The following CYP7A1 variants were observed in gnomAD, a reference collection of about 807,000 sequenced individuals.
CYP7A1 encodes cytochrome P450 7A1.
A neutral mutation model predicts 43.8 loss-of-function variants in CYP7A1; 28 were observed. The observed-to-expected ratio is 0.64, with a 90% CI of 0.47 to 0.88. The LOEUF is 0.88. Among genes scored for constraint, CYP7A1 ranks in the 40% least tolerant of loss-of-function variants. The pLI is 0.00. For synonymous variants in CYP7A1, 227 were observed against 222.5 expected, an observed-to-expected ratio of 1.02 and a Z score of -0.18; for missense variants, 637 against 611.9, an observed-to-expected ratio of 1.04 and a Z score of -0.43.
Position 58,492,432 on chromosome 8 carries a change from T to C in CYP7A1, c.1136A>G (p.Tyr379Cys). ...DFTLHLEDGS[Y>C]NIRKDDIIAL... Reference sequence around the variant, plus strand: ...TATGATGTCATCTTTTCGGATGTTGTAGGAACCGTCCTCAAGGTGCAAAGT... The same window carrying C: ...TATGATGTCATCTTTTCGGATGTTGCAGGAACCGTCCTCAAGGTGCAAAGT... The change falls in exon 5 of 6, where the codon TAC (tyrosine) becomes TGC (cysteine). Residue 379 changes from tyrosine (Y) to cysteine (C), a missense_variant. By Grantham distance (194) the Tyr-to-Cys change is radical. Transcript: ENST00000301645. 1 of 1,614,040 alleles carries C rather than the reference T, an allele frequency of 6.2e-7. No individual in the cohort carries two copies. Among genetic ancestry groups the C allele is most frequent in the Non-Finnish European group, 8.5e-7 (1 of 1,179,896 alleles).
intron 3 of CYP7A1, among the ~76,000 whole-genome samples, chr8:58,496,285 T>C (rs1469158051): frequency 6.6e-6 from 1 of 152,162 alleles, no homozygotes; most frequent in Admixed American, 6.5e-5. Flanking sequence ...AAGAACAGTA[T>C]GGGGTTAAGA....
intron 4 of CYP7A1, among the ~76,000 whole-genome samples, chr8:58,493,837 T>A (rs1013941123): frequency 1.3e-5 from 2 of 151,904 alleles, no homozygotes; most frequent in African/African-American, 4.8e-5. Context: ...CCGTCTCTAC[T>A]AAAAATACAA....
At chr8:58,493,957 G>A (rs4738686) in intron 4 of CYP7A1, among the ~76,000 whole-genome samples, 80,382 of 151,884 alleles carry the variant, frequency 0.53, 21,980 homozygotes, top group Admixed American at 0.65. Flanking sequence ...CCAAGATCGC[G>A]CCATTGCACT....
chr8:58,496,813 A>G lies in CYP7A1; in HGVS notation c.699T>C (p.Asn233=). ...AGCTCTCTGCCAGTTTCTCCCGGGC[A>G]TTGTGCGCAGTCCTGAACATGTGAA... ...LPIHMFRTAH[N]AREKLAESLR... is the part of the protein sequence containing the mutation. The change falls in exon 3 of 6, where the codon AAT becomes AAC. Residue 233 remains asparagine (N), a synonymous_variant. Transcript: ENST00000301645. The G allele has an allele frequency of 6.2e-7, 1 of 1,614,160 alleles. No individual in the cohort carries two copies. Among genetic ancestry groups the G allele is most frequent in the Non-Finnish European group, 8.5e-7 (1 of 1,180,028 alleles).
rs963859142 is a variant in CYP7A1 at position 58,497,182 on chromosome 8, C to T, written c.330G>A (p.Gly110=). ...CATCCATCGGGTCAATGCTTCTGTG[C>T]CCAAATGCCTGATAGCAAATAAAAC... The part of the protein sequence containing the change: ...FHFATSAKAF[G]HRSIDPMDGN... Residue 110 remains glycine (G), a synonymous_variant, in exon 3 of 6, where the codon GGG becomes GGA. Coordinates refer to ENST00000301645, the MANE Select transcript of CYP7A1 (RefSeq NM_000780.4). The T allele has an allele frequency of 6.3e-7, 1 of 1,598,938 alleles. No homozygotes were observed. The highest frequency in any genetic ancestry group is 1.7e-5 in the Admixed American group (1 of 60,010).
rs1255495349 is a variant in CYP7A1, at chr8:58,491,687, T to C, written c.1303A>G (p.Met435Val). The stretch of plus-strand genomic sequence containing the variant: ...ATTGTAGCTCCCGATCCAAAGGGCA[T>C]GTAGTAATACTTTAACTTGAGTCCA... ...CNGLKLKYYY[M>V]PFGSGATICP... Residue 435 changes from methionine (M) to valine (V), a missense_variant, in exon 6 of 6, where the codon ATG becomes GTG. Transcript: ENST00000301645. 1 of 1,613,946 alleles carries C rather than the reference T, an allele frequency of 6.2e-7. No homozygotes were observed. Among genetic ancestry groups the C allele is most frequent in the South Asian group, 1.1e-5 (1 of 91,078 alleles).
At chr8:58,495,410 A>G (rs1321138147) in intron 3 of CYP7A1, among the ~76,000 whole-genome samples, 1 of 151,724 alleles carries the variant, frequency 6.6e-6, no homozygotes, top group Non-Finnish European at 1.5e-5. Context: ...TATGTTTTTT[A>G]GTAGAGACGG....
At chr8:58,493,917 T>G (rs1221883462) in intron 4 of CYP7A1, among the ~76,000 whole-genome samples, 1 of 152,070 alleles carries the variant, frequency 6.6e-6, no homozygotes, top group African/African-American at 2.4e-5. Flanking sequence ...GGAGAATGGC[T>G]TGAACCCAGG....
chr8:58,499,002 G>T (rs1209183241), intron 1 of CYP7A1, among the ~76,000 whole-genome samples: 2 of 152,184 alleles, frequency 1.3e-5, no homozygotes, highest in East Asian at 3.8e-4. Context: ...CAGAGAAGAA[G>T]AATCTCATGT....
In CYP7A1 at chr8:58,500,091, G is replaced by A. The variant is rs1809507476; in HGVS notation, c.8C>T (p.Thr3Ile). The A allele has an allele frequency of 6.2e-7, 1 of 1,612,496 alleles. No individual in the cohort carries two copies. Among genetic ancestry groups the A allele is most frequent in the African/African-American group, 1.3e-5 (1 of 74,886 alleles). Residue 3 changes from threonine to isoleucine, a missense_variant, in exon 1 of 6, where the codon ACC becomes ATC. Physicochemically the swap from Thr to Ile is moderately conservative, Grantham distance 89. Transcript: ENST00000301645. Reference protein sequence around the residue: MMTTSLIWGIAIA... With the variant: MMITSLIWGIAIA... Reference sequence around the variant, plus strand: ...AGCAATCCCCCAAATCAAAGATGTGGTCATCATTTTGCAAATCTAGGCCAA... The same window carrying A: ...AGCAATCCCCCAAATCAAAGATGTGATCATCATTTTGCAAATCTAGGCCAA...
intron 2 of CYP7A1, among the ~76,000 whole-genome samples, chr8:58,497,848 C>T (rs1209841145): frequency 3.3e-5 from 5 of 152,126 alleles, no homozygotes; most frequent in Admixed American, 3.3e-4. Flanking sequence ...CAAAATGAAA[C>T]ACTGTGTGGC....
rs894225424 is a variant in CYP7A1, at chr8:58,491,421, G to C, written c.*54C>G. On this transcript the variant is annotated 3_prime_UTR_variant, in exon 6 of 6. Coordinates refer to ENST00000301645, the MANE Select transcript of CYP7A1 (RefSeq NM_000780.4). ...TTGTCCAAAGGGACTGTGTGGTGAGGGTGTTCTGCAGTCCTGTAATATCAT... is the reference window on the plus strand; with the variant it reads ...TTGTCCAAAGGGACTGTGTGGTGAGCGTGTTCTGCAGTCCTGTAATATCAT... 1 of 1,485,838 alleles carries C rather than the reference G, an allele frequency of 6.7e-7. No homozygotes were observed. The highest frequency in any genetic ancestry group is 9.4e-7 in the Non-Finnish European group (1 of 1,068,780). 92.0% of individuals were successfully genotyped at this position (1,485,838 alleles called of 1,614,324 possible). A position where few individuals can be genotyped will look rare whatever the true frequency, so the allele number is the denominator to read the frequency against.
chr8:58,495,829 A>G (rs1809435032), intron 3 of CYP7A1, among the ~76,000 whole-genome samples: 2 of 152,230 alleles, frequency 1.3e-5, no homozygotes, highest in Non-Finnish European at 1.5e-5. Flanking sequence ...TATAAGACCT[A>G]AAGTCATCAG....
Position 58,492,490 on chromosome 8 carries a change from A to G in CYP7A1, c.1078T>C (p.Ser360Pro), listed in dbSNP as rs1414467556. The G allele has an allele frequency of 6.2e-7, 1 of 1,613,964 alleles. No homozygotes were observed. The highest frequency in any genetic ancestry group is 8.5e-7 in the Non-Finnish European group (1 of 1,179,940). The stretch of plus-strand genomic sequence containing the variant: ...TCCTTAGCTGTCCGGATGTTGAGGG[A>G]GGCACTGGAAAGCCTCAGCGATTCC... ...IKESLRLSSA[S>P]LNIRTAKEDF... is the part of the protein sequence containing the mutation. The change falls in exon 5 of 6, where the codon TCC (serine) becomes CCC (proline). Residue 360 changes from serine (S) to proline (P), a missense_variant. Physicochemically the swap from Ser to Pro is moderately conservative, Grantham distance 74. Coordinates refer to ENST00000301645, the MANE Select transcript of CYP7A1 (RefSeq NM_000780.4).
intron 2 of CYP7A1, among the ~76,000 whole-genome samples, chr8:58,497,859 A>T (rs1275689395): frequency 6.6e-6 from 1 of 152,230 alleles, no homozygotes; most frequent in Non-Finnish European, 1.5e-5. Context: ...ACTGTGTGGC[A>T]CAAGTGTGGT....
intron 1 of CYP7A1, 93 bp from the exon 2 acceptor site, chr8:58,498,562 C>T (rs1809484611): frequency 1.9e-5 from 24 of 1,294,094 alleles, no homozygotes; most frequent in African/African-American, 5.8e-5. Flanking sequence ...TGACTTCAAA[C>T]TTTGAAACCC....
In CYP7A1 at chr8:58,490,647, T is replaced by C. The variant is rs1256105955; in HGVS notation, c.*828A>G. ...CATTAATGTGAATGAAATAAAAATA[T>C]AGAGAAGATAGTTAAAGCCGGACAT... On this transcript the variant is annotated 3_prime_UTR_variant, in exon 6 of 6. Coordinates refer to ENST00000301645, the MANE Select transcript of CYP7A1 (RefSeq NM_000780.4). 6.6e-6 allele frequency: 1 copy of C among 152,168 alleles called. No individual in the cohort carries two copies. Among genetic ancestry groups the C allele is most frequent in the African/African-American group, 2.4e-5 (1 of 41,444 alleles). The allele number at this position is 152,168 out of a possible 1,614,324, so 9.4% of individuals were successfully genotyped here. A position where few individuals can be genotyped will look rare whatever the true frequency, so the allele number is the denominator to read the frequency against.
rs553223766 is a variant in CYP7A1, at chr8:58,490,228, T to C, written c.*1247A>G. On this transcript the variant is annotated 3_prime_UTR_variant, in exon 6 of 6. Transcript: ENST00000301645. ...GATGAATCATTTCAAAATTATCAAA[T>C]GTTAGAATATTTTCTTAATATTTGT... The C allele has an allele frequency of 6.6e-6, 1 of 152,288 alleles. No homozygotes were observed. The highest frequency in any genetic ancestry group is 2.1e-4 in the South Asian group (1 of 4,830). 9.4% of individuals were successfully genotyped at this position (152,288 alleles called of 1,614,324 possible).
At chr8:58,494,480 A>G in intron 4 of CYP7A1, 26 bp downstream of exon 4, 1 of 1,612,476 alleles carries the variant, frequency 6.2e-7, no homozygotes, top group Non-Finnish European at 8.5e-7. Flanking sequence ...ATAGAAAATG[A>G]AACTCAACAT....
Sources: gnomAD v4.1 joint callset for allele counts (sites outside exome capture counted in the v4.1 genomes callset) on GRCh38, gnomAD v4.1.1 for gene constraint, MANE v1.5 for transcripts, NCBI Gene and HGNC (gene_info 2026-07-23, HGNC 2026-07-21) for gene names.